Variants in GTF3C3 observed in about 807,000 individuals in gnomAD.
GTF3C3 encodes general transcription factor 3C polypeptide 3.
GTF3C3 carries 75 observed loss-of-function variants against 105.2 expected under a neutral mutation model. The observed-to-expected ratio is 0.71, with a 90% CI of 0.59 to 0.86. GTF3C3 has a LOEUF of 0.86. GTF3C3 is among the 40% of genes least tolerant of loss of function. GTF3C3 has a pLI of 0.00. For missense variants in GTF3C3, 856 were observed against 1,076.5 expected (o/e 0.80, Z 2.87); for synonymous variants, 335 against 370.4 (o/e 0.90, Z 1.10).
chr2:196,769,166 T>C (rs1446526231), intron 16 of GTF3C3, among the ~76,000 whole-genome samples: 2 of 152,192 alleles, frequency 1.3e-5, no homozygotes, highest in Non-Finnish European at 2.9e-5. Flanking sequence ...AATGAACTCA[T>C]ACCTAGTTTC....
At position 196,793,006 on chromosome 2, in the gene GTF3C3, C is replaced by T. The variant is rs1699577663; in HGVS notation, c.361G>A (p.Val121Ile). ...ETPEQPTAGD[V>I]FVLEMVLNRE... ...TTGAGAACCATCTCCAATACAAATA[C>T]ATCGCCCGCAGTGGGTTGCTCAGGT... is the stretch of plus-strand genomic sequence containing the variant. Residue 121 changes from valine (V) to isoleucine (I), a missense_variant, in exon 3 of 18, where the codon GTA becomes ATA. Physicochemically the swap from Val to Ile is conservative, Grantham distance 29. Coordinates refer to ENST00000263956, the MANE Select transcript of GTF3C3 (RefSeq NM_012086.5). 1.9e-6 allele frequency: 3 copies of T among 1,613,868 alleles called. No individual in the cohort carries two copies. Among genetic ancestry groups the T allele is most frequent in the Admixed American group, 1.7e-5 (1 of 59,980 alleles).
chr2:196,764,934 AT>A (rs1367539760), intron 17 of GTF3C3, among the ~76,000 whole-genome samples: 2 of 152,218 alleles, frequency 1.3e-5, no homozygotes, highest in East Asian at 3.8e-4. Flanking sequence ...CGCCAGATGA[AT>A]TTTGGATTTT....
In GTF3C3 at chr2:196,776,924, T is replaced by C. The variant is rs1405921982; in HGVS notation, c.1391-295A>G. Among the ~76,000 whole-genome samples the C allele has an allele frequency of 6.6e-6, 1 of 152,192 alleles. No homozygotes were observed. Among genetic ancestry groups the C allele is most frequent in the Non-Finnish European group, 1.5e-5 (1 of 68,036 alleles). ...ATTTTGAATGGTTACATAATCAAACTGATTATGTAATTATATCATTTGCCA... is the reference window on the plus strand; with the variant it reads ...ATTTTGAATGGTTACATAATCAAACCGATTATGTAATTATATCATTTGCCA... On this transcript the variant is annotated intron_variant, in intron 10 of 17. Transcript: ENST00000263956. This position sits in a 1 kb window ranked among gnomAD's most constrained non-coding sequence, Gnocchi z 4.5.
chr2:196,773,046 A>T lies in GTF3C3; in HGVS notation c.1939T>A (p.Leu647Met), dbSNP rs763322449. Residue 647 changes from leucine to methionine, a missense_variant, in exon 14 of 18, where the codon TTG becomes ATG. Coordinates refer to ENST00000263956, the MANE Select transcript of GTF3C3 (RefSeq NM_012086.5). ...TATTCCAATGAGGAATCTACAAGCAACTCAGCCTCTTGAAATCGGGATAGG... is the reference window on the plus strand; with the variant it reads ...TATTCCAATGAGGAATCTACAAGCATCTCAGCCTCTTGAAATCGGGATAGG... ...CDLSRFQEAE[L>M]LVDSSLEYYS... 6 of 1,612,332 alleles carry T rather than the reference A, an allele frequency of 3.7e-6. No homozygotes were observed. The highest frequency in any genetic ancestry group is 4.2e-6 in the Non-Finnish European group (5 of 1,178,394).
At position 196,795,029 on chromosome 2, in the gene GTF3C3, T is replaced by C. The variant is rs35208610; in HGVS notation, c.215-1877A>G. Reference sequence around the variant, plus strand: ...CATGCGTAAGCTATCATGCCCAGCATTTTTTTTGTTTTGTTTTGTTTTGTT... The same window carrying C: ...CATGCGTAAGCTATCATGCCCAGCACTTTTTTTGTTTTGTTTTGTTTTGTT... On this transcript the variant is annotated intron_variant, in intron 2 of 17. Coordinates refer to ENST00000263956, the MANE Select transcript of GTF3C3 (RefSeq NM_012086.5). Among the ~76,000 whole-genome samples, 1,242 of 151,126 alleles carry C rather than the reference T, an allele frequency of 8.2e-3. 9 individuals are homozygous for C. The highest frequency in any genetic ancestry group is 0.014 in the Admixed American group (207 of 15,212).
In GTF3C3 at chr2:196,776,254, A is replaced by G. The variant is rs77191774; in HGVS notation, c.1594-143T>C. ...AATTAAGAGCCAATATTTTAAAACT[A>G]TAATTTGTAACCCAACCAGTGGCTG... On this transcript the variant is annotated intron_variant, in intron 11 of 17. Transcript: ENST00000263956. This position sits in a 1 kb window ranked among gnomAD's most constrained non-coding sequence, Gnocchi z 4.5. 4.6e-3 allele frequency: 3,246 copies of G among 708,838 alleles called. 76 individuals are homozygous for G. The African/African-American group carries it at 0.049, about 11-fold the overall frequency. 43.9% of individuals were successfully genotyped at this position (708,838 alleles called of 1,614,324 possible). A position where few individuals can be genotyped will look rare whatever the true frequency, so the allele number is the denominator to read the frequency against.
At chr2:196,785,732 C>T (rs1031605264) in intron 6 of GTF3C3, 144 bp from the exon 7 acceptor site, 1 of 584,208 alleles carries the variant, frequency 1.7e-6, no homozygotes, top group South Asian at 2.3e-5. Flanking sequence ...AAATCGTAAT[C>T]AGAACTGATC....
chr2:196,765,871 G>A (rs750574024), intron 17 of GTF3C3, among the ~76,000 whole-genome samples: 1 of 151,556 alleles, frequency 6.6e-6, no homozygotes, highest in African/African-American at 2.4e-5. Flanking sequence ...TTAGCTGGGC[G>A]TGGTGGCAGG....
chr2:196,781,357 A>AAAATATATAT, intron 8 of GTF3C3, among the ~76,000 whole-genome samples: 30 of 18,806 alleles, frequency 1.6e-3, no homozygotes, highest in African/African-American at 2.0e-3. Flanking sequence ...AAAAAAAAAA[A>AAAATATATAT]ATATATATAT....
At position 196,789,869 on chromosome 2, in the gene GTF3C3, T is replaced by G. The variant is rs368734027; in HGVS notation, c.727+10A>C. ...TTGTAAAAGTGAAAAAAAAAAAAAA[T>G]TTTAATTACCTTTTGTATAGCAAAA... On this transcript the variant is annotated intron_variant, in intron 5 of 17. Coordinates refer to ENST00000263956, the MANE Select transcript of GTF3C3 (RefSeq NM_012086.5). The G allele has an allele frequency of 9.5e-5, 135 of 1,414,578 alleles. No homozygotes were observed. In the Middle Eastern group the frequency reaches 1.7e-3, roughly 17 times the overall value. 87.6% of individuals were successfully genotyped at this position (1,414,578 alleles called of 1,614,324 possible).
At chr2:196,790,539 T>C (rs1376141040) in intron 4 of GTF3C3, among the ~76,000 whole-genome samples, 1 of 152,222 alleles carries the variant, frequency 6.6e-6, no homozygotes. Flanking sequence ...TCTGAAATAC[T>C]GTTTCTGAAA....
intron 16 of GTF3C3, 168 bp from the exon 17 acceptor site, chr2:196,766,885 A>G: frequency 2.3e-6 from 1 of 425,864 alleles, no homozygotes. Context: ...TCAACATTAT[A>G]GCTCTTCTGA....
intron 2 of GTF3C3, 63 bp downstream of exon 2, chr2:196,797,734 A>C: frequency 1.1e-6 from 1 of 926,416 alleles, no homozygotes; most frequent in Non-Finnish European, 1.8e-6. Context: ...ACAATGTTTC[A>C]CTAAATTACT....
intron 8 of GTF3C3, among the ~76,000 whole-genome samples, chr2:196,783,058 G>A (rs1387494165): frequency 6.6e-6 from 1 of 152,070 alleles, no homozygotes; most frequent in Non-Finnish European, 1.5e-5. Context: ...TTTTTAAAAT[G>A]CATACTAAAA....
In GTF3C3 at chr2:196,799,489, C is replaced by T. The variant is rs746088137; in HGVS notation, c.102+21G>A. ...TGAAGGCAACAAGAGTGAAGGGCAC[C>T]GTGGCCTAGCATCGCCTCACTTTCT... On this transcript the variant is annotated intron_variant, in intron 1 of 17. Coordinates refer to ENST00000263956, the MANE Select transcript of GTF3C3 (RefSeq NM_012086.5). 6.1e-5 allele frequency: 96 copies of T among 1,581,354 alleles called. No homozygotes were observed. The Middle Eastern group carries it at 2.3e-3, about 38-fold the overall frequency.
Position 196,797,025 on chromosome 2 carries a change from C to T in GTF3C3, c.214+772G>A, listed in dbSNP as rs1052214261. On this transcript the variant is annotated intron_variant, in intron 2 of 17. Transcript: ENST00000263956. Reference sequence around the variant, plus strand: ...TGTCTGTTCTCTGTGTAAACACTTACTTGTTTTGAGGGAAAAGAACCAGAC... The same window carrying T: ...TGTCTGTTCTCTGTGTAAACACTTATTTGTTTTGAGGGAAAAGAACCAGAC... Among the ~76,000 whole-genome samples, 4 of 152,142 alleles carry T rather than the reference C, an allele frequency of 2.6e-5. No individual in the cohort carries two copies. The East Asian group carries it at 5.8e-4, about 22-fold the overall frequency.
In GTF3C3 at chr2:196,791,456, T is replaced by C. The variant is rs201875993; in HGVS notation, c.416A>G (p.Lys139Arg). The C allele has an allele frequency of 6.8e-6, 11 of 1,611,294 alleles. No individual in the cohort carries two copies. Among genetic ancestry groups the C allele is most frequent in the Non-Finnish European group, 8.5e-6 (10 of 1,178,570 alleles). Residue 139 changes from lysine to arginine, a missense_variant, in exon 4 of 18, where the codon AAA (lysine) becomes AGA (arginine). Coordinates refer to ENST00000263956, the MANE Select transcript of GTF3C3 (RefSeq NM_012086.5). ...NRETKKMMKE[K>R]RPRSKLPRAL... ...TCTGGGAAGTTTACTCCGAGGCCTT[T>C]TCTCCTGTATGGAAGAAAAATGACA...
At chr2:196,799,431 A>C (rs1314800026) in intron 1 of GTF3C3, 79 bp downstream of exon 1, 5 of 1,032,670 alleles carry the variant, frequency 4.8e-6, no homozygotes, top group Non-Finnish European at 7.6e-6. Flanking sequence ...TCACAGTGAA[A>C]GCGGTCGTCT....
intron 16 of GTF3C3, among the ~76,000 whole-genome samples, chr2:196,768,478 T>C (rs968171041): frequency 2.6e-5 from 4 of 152,162 alleles, no homozygotes; most frequent in African/African-American, 9.6e-5. Flanking sequence ...ATTTTACTTT[T>C]AATACAATAT....
Sources: allele counts gnomAD v4.1 joint callset (sites outside exome capture counted in the v4.1 genomes callset), GRCh38; gene constraint gnomAD v4.1.1; non-coding constraint Gnocchi (gnomAD v3.1); transcripts MANE v1.5; gene names NCBI Gene and HGNC (gene_info 2026-07-23, HGNC 2026-07-21).